RNF14: variants seen among roughly 807,000 people sequenced by gnomAD.
The protein encoded by RNF14 is E3 ubiquitin-protein ligase RNF14.
In RNF14, 26 loss-of-function variants were observed where a neutral mutation model predicts 52.6. That is an observed-to-expected ratio of 0.49 (90% CI 0.36 to 0.69). RNF14 has a LOEUF of 0.69. Ranked by LOEUF, RNF14 falls within the 30% of genes least tolerant of loss-of-function variation. The probability of loss-of-function intolerance (pLI) is 0.00; values close to 1 mark genes in which losing one functional copy is unlikely to be tolerated. For synonymous variants in RNF14, 194 were observed against 202.0 expected, an observed-to-expected ratio of 0.96 and a Z score of 0.34; for missense variants, 404 against 560.4, an observed-to-expected ratio of 0.72 and a Z score of 2.82.
upstream of RNF14, chr5:141,957,760 G>A (rs929525877): frequency 5.6e-6 from 9 of 1,611,710 alleles, no homozygotes; most frequent in Middle Eastern, 1.6e-4. This position sits in a 1 kb window ranked among gnomAD's most constrained non-coding sequence, Gnocchi z 4.3. Context: ...GTATTTCACC[G>A]TGAGAGTGGT....
intron 2 of RNF14, among the ~76,000 whole-genome samples, chr5:141,972,029 T>C (rs1363909715): frequency 1.3e-5 from 2 of 152,190 alleles, no homozygotes; most frequent in Non-Finnish European, 2.9e-5. Context: ...TCTTGAGTCA[T>C]AATGGTGAAT....
intron 3 of RNF14, among the ~76,000 whole-genome samples, chr5:141,974,189 C>T (rs1428809642): frequency 6.6e-6 from 1 of 152,228 alleles, no homozygotes; most frequent in Non-Finnish European, 1.5e-5. Flanking sequence ...AAAACTGCTG[C>T]TTTTGATACA....
rs550542071 is a variant in RNF14 at position 141,960,166 on chromosome 5, C to T, written c.-181+1741C>T. 1.1e-4 allele frequency among the ~76,000 whole-genome samples: 17 copies of T among 152,282 alleles called. No individual in the cohort carries two copies. In the South Asian group the frequency reaches 1.5e-3, roughly 13 times the overall value. Reference sequence around the variant, plus strand: ...TCAGGGACACAAGGGTGCCCATTGCCCCCTGCTGGCAGCCCACGTGACAGT... The same window carrying T: ...TCAGGGACACAAGGGTGCCCATTGCTCCCTGCTGGCAGCCCACGTGACAGT... On this transcript the variant is annotated intron_variant, in intron 1 of 4. Transcript: ENST00000506822.
chr5:141,978,240 C>T, intron 4 of RNF14, 63 bp from the exon 5 acceptor site: 2 of 1,428,398 alleles, frequency 1.4e-6, no homozygotes, highest in South Asian at 1.4e-5. Context: ...TCTAGGGAAA[C>T]CAGGAGTTGG....
chr5:141,975,026 C>G, intron 4 of RNF14, 71 bp downstream of exon 4: 1 of 1,487,980 alleles, frequency 6.7e-7, no homozygotes, highest in Non-Finnish European at 9.2e-7. Context: ...TGAAGACTAT[C>G]TTAAAGATCT....
chr5:141,970,659 T>G (rs1596664307), intron 1 of RNF14, 45 bp from the exon 2 acceptor site: 1 of 152,378 alleles, frequency 6.6e-6, no homozygotes, highest in Non-Finnish European at 1.5e-5. Context: ...AGAATTTTAA[T>G]TTGGAGAGGG....
In RNF14 at chr5:141,990,096, A is replaced by C. The variant is rs932859540; in HGVS notation, c.*2306A>C. 3 of 152,208 alleles carry C rather than the reference A, an allele frequency of 2.0e-5. No individual in the cohort carries two copies. The highest frequency in any genetic ancestry group is 7.2e-5 in the African/African-American group (3 of 41,452). 9.4% of individuals were successfully genotyped at this position (152,208 alleles called of 1,614,324 possible). A position where few individuals can be genotyped will look rare whatever the true frequency, so the allele number is the denominator to read the frequency against. Reference sequence around the variant, plus strand: ...CTTCATCACTCAATTTTAACAAAGAAAATAGGGCTTATAAAGTTATACTTT... The same window carrying C: ...CTTCATCACTCAATTTTAACAAAGACAATAGGGCTTATAAAGTTATACTTT... On this transcript the variant is annotated 3_prime_UTR_variant, in exon 9 of 9. Coordinates refer to ENST00000394520, the MANE Select transcript of RNF14 (RefSeq NM_004290.5).
At chr5:141,956,851 G>A (rs1245550892), upstream of RNF14, 2 of 1,614,116 alleles carry the variant, frequency 1.2e-6, no homozygotes, top group African/African-American at 2.7e-5. Context: ...TTTGCAATGG[G>A]CTGGGATAGG....
Position 141,984,878 on chromosome 5 carries a change from T to G in RNF14, c.1312T>G (p.Ser438Ala). 1 of 1,613,930 alleles carries G rather than the reference T, an allele frequency of 6.2e-7. No homozygotes were observed. The highest frequency in any genetic ancestry group is 8.5e-7 in the Non-Finnish European group (1 of 1,179,794). Reference protein sequence around the residue: ...YFCWICMGSLSRANPYKHFND... With the variant: ...YFCWICMGSLARANPYKHFND... Reference sequence around the variant, plus strand: ...CTGTTGGATTTGCATGGGTTCTCTCTCTAGAGCAAACCCTTACAAACATTT... The same window carrying G: ...CTGTTGGATTTGCATGGGTTCTCTCGCTAGAGCAAACCCTTACAAACATTT... The change falls in exon 8 of 9, where the codon TCT becomes GCT. Residue 438 changes from serine to alanine, a missense_variant. Ser to Ala is a moderately conservative substitution (Grantham distance 99). Coordinates refer to ENST00000394520, the MANE Select transcript of RNF14 (RefSeq NM_004290.5).
chr5:141,976,624 T>C (rs1169778247), intron 4 of RNF14, among the ~76,000 whole-genome samples: 1 of 152,180 alleles, frequency 6.6e-6, no homozygotes, highest in African/African-American at 2.4e-5. Flanking sequence ...AATTGACACA[T>C]AGAGCTGTCA....
rs183143611 is a variant in RNF14 at position 141,975,383 on chromosome 5, A to C, written c.306+428A>C. ...TTGAGCTAATGTAGTTATAATAAGCAAATTTTCTGAGTGAATACAATAACT... is the reference window on the plus strand; with the variant it reads ...TTGAGCTAATGTAGTTATAATAAGCCAATTTTCTGAGTGAATACAATAACT... On this transcript the variant is annotated intron_variant, in intron 4 of 8. Coordinates refer to ENST00000394520, the MANE Select transcript of RNF14 (RefSeq NM_004290.5). 3.3e-5 allele frequency among the ~76,000 whole-genome samples: 5 copies of C among 152,376 alleles called. No individual in the cohort carries two copies. The East Asian group carries it at 9.6e-4, about 29-fold the overall frequency.
At chr5:141,952,136 A>G in the RNF14 span, among the ~76,000 whole-genome samples, 1 of 152,200 alleles carries the variant, frequency 6.6e-6, no homozygotes, top group Non-Finnish European at 1.5e-5. Flanking sequence ...AAGAAGGAGA[A>G]GGAGCCCCAG....
upstream of RNF14, among the ~76,000 whole-genome samples, chr5:141,954,444 A>G (rs554240399): frequency 8.5e-5 from 13 of 152,350 alleles, no homozygotes; most frequent in South Asian, 2.5e-3. Flanking sequence ...TGTCAGATGG[A>G]CACTGTTCTA....
intron 2 of RNF14, among the ~76,000 whole-genome samples, chr5:141,972,512 A>G (rs1430246615): frequency 6.6e-6 from 1 of 152,232 alleles, no homozygotes; most frequent in African/African-American, 2.4e-5. Flanking sequence ...GCTCTCCAAC[A>G]ACAATTATTT....
upstream of RNF14, among the ~76,000 whole-genome samples, chr5:141,954,157 G>A (rs1302425181): frequency 6.6e-6 from 1 of 152,184 alleles, no homozygotes; most frequent in African/African-American, 2.4e-5. Context: ...ACGTGTACAA[G>A]GTTGCCCAGC....
At chr5:141,955,539 C>A, upstream of RNF14, 1 of 1,614,168 alleles carries the variant, frequency 6.2e-7, no homozygotes, top group Non-Finnish European at 8.5e-7. This position sits in a 1 kb window ranked among gnomAD's most constrained non-coding sequence, Gnocchi z 5.5. Flanking sequence ...TGTCTGCCTT[C>A]TGAATGTGTT....
chr5:141,979,230 G>GTTGT (rs1561552676), intron 5 of RNF14, among the ~76,000 whole-genome samples: 49 of 145,472 alleles, frequency 3.4e-4, no homozygotes, highest in African/African-American at 1.1e-3. Context: ...TTAGGTGGTG[G>GTTGT]TGGTGTTGTT....
intron 6 of RNF14, among the ~76,000 whole-genome samples, chr5:141,981,042 C>T (rs889863367): frequency 6.6e-6 from 1 of 152,174 alleles, no homozygotes; most frequent in African/African-American, 2.4e-5. Context: ...AGGCCCTTAA[C>T]GTCGATTTAA....
upstream of RNF14, chr5:141,956,016 G>A: frequency 1.2e-6 from 2 of 1,614,166 alleles, no homozygotes; most frequent in Non-Finnish European, 1.7e-6. Flanking sequence ...ATGGCCGGGA[G>A]CTGTGAGTGG....
Sources: gnomAD v4.1 joint callset for allele counts (sites outside exome capture counted in the v4.1 genomes callset) on GRCh38, gnomAD v4.1.1 for gene constraint, Gnocchi (gnomAD v3.1) non-coding constraint, MANE v1.5 for transcripts, NCBI Gene and HGNC (gene_info 2026-07-23, HGNC 2026-07-21) for gene names.